Variants in WNT2 observed in about 807,000 individuals in gnomAD.
WNT2 encodes protein Wnt-2.
WNT2 carries 12 observed loss-of-function variants against 36.9 expected under a neutral mutation model. The observed-to-expected ratio is 0.33, with a 90% confidence interval of 0.21 to 0.53. The LOEUF (loss-of-function observed/expected upper bound fraction) is 0.53, where lower values mean the gene tolerates loss of function less well. WNT2 is among the 20% of genes least tolerant of loss of function. WNT2 has a pLI of 0.95. For synonymous variants in WNT2, 163 were observed against 174.6 expected, an observed-to-expected ratio of 0.93 and a Z score of 0.52; for missense variants, 379 against 473.1, an observed-to-expected ratio of 0.80 and a Z score of 1.84.
chr7:117,281,109 G>A (rs1794476069), intron 4 of WNT2, among the ~76,000 whole-genome samples: 1 of 152,168 alleles, frequency 6.6e-6, no homozygotes, highest in African/African-American at 2.4e-5. Context: ...CAGCAACCTG[G>A]GCAAGATAGA....
In WNT2 at chr7:117,276,944, A is replaced by G. The variant is rs940969660; in HGVS notation, c.*1211T>C. On this transcript the variant is annotated 3_prime_UTR_variant, in exon 5 of 5. Coordinates refer to ENST00000265441, the MANE Select transcript of WNT2 (RefSeq NM_003391.3). ...GGTTACCAACTTTATAAGCAATGCT[A>G]TGTGTCATTTGCTTTAGGCTACAGT... The G allele has an allele frequency of 1.3e-5, 2 of 152,256 alleles. No homozygotes were observed. Among genetic ancestry groups the G allele is most frequent in the Admixed American group, 6.5e-5 (1 of 15,280 alleles). The allele number at this position is 152,256 out of a possible 1,614,324, so 9.4% of individuals were successfully genotyped here.
intron 3 of WNT2, among the ~76,000 whole-genome samples, chr7:117,301,802 CTTTTT>C (rs1181700612): frequency 1.4e-4 from 16 of 112,518 alleles, no homozygotes; most frequent in Non-Finnish European, 2.4e-4. Flanking sequence ...TCCCTCCATT[CTTTTT>C]TTTTTTTTTT....
At chr7:117,297,318 A>T (rs1563201633) in intron 4 of WNT2, among the ~76,000 whole-genome samples, 1 of 152,012 alleles carries the variant, frequency 6.6e-6, no homozygotes, top group Non-Finnish European at 1.5e-5. Flanking sequence ...TAGCTGGACC[A>T]CAGATGCGCA....
intron 2 of WNT2, among the ~76,000 whole-genome samples, chr7:117,317,092 G>A (rs1045137590): frequency 2.0e-5 from 3 of 152,190 alleles, no homozygotes; most frequent in Non-Finnish European, 4.4e-5. Context: ...AGATCACATA[G>A]AGGAGGAAAT....
At chr7:117,321,411 C>A (rs527469955) in intron 1 of WNT2, among the ~76,000 whole-genome samples, 3 of 152,204 alleles carry the variant, frequency 2.0e-5, no homozygotes, top group South Asian at 4.1e-4. Flanking sequence ...GGAAAAAATT[C>A]TTTCTATTGT....
At chr7:117,318,709 G>A (rs749968616) in intron 2 of WNT2, among the ~76,000 whole-genome samples, 6 of 152,070 alleles carry the variant, frequency 3.9e-5, no homozygotes, top group African/African-American at 7.2e-5. Flanking sequence ...ATGGGGTTTC[G>A]CCATGTTGGC....
chr7:117,279,931 C>T lies in WNT2; in HGVS notation c.854-1547G>A, dbSNP rs145886602. Reference sequence around the variant, plus strand: ...CCTTTTGATATCTCTGACGATGCCTCGTGACTGTCTCTCTGTTTATCACAG... The same window carrying T: ...CCTTTTGATATCTCTGACGATGCCTTGTGACTGTCTCTCTGTTTATCACAG... On this transcript the variant is annotated intron_variant, in intron 4 of 4. Coordinates refer to ENST00000265441, the MANE Select transcript of WNT2 (RefSeq NM_003391.3). 3.8e-3 allele frequency among the ~76,000 whole-genome samples: 577 copies of T among 152,228 alleles called. 1 individual carries two copies. The highest frequency in any genetic ancestry group is 7.2e-3 in the Non-Finnish European group (489 of 68,024).
Position 117,276,286 on chromosome 7 carries a change from G to A in WNT2, c.*1869C>T, listed in dbSNP as rs1292111608. The stretch of plus-strand genomic sequence containing the variant: ...GGGCTGATGGCTGTGGGACCCCCAT[G>A]AAAGTGCCTTCGCACTCTCATGAAG... On this transcript the variant is annotated 3_prime_UTR_variant, in exon 5 of 5. Transcript: ENST00000265441. Among the ~76,000 whole-genome samples the A allele has an allele frequency of 6.6e-6, 1 of 152,234 alleles. No homozygotes were observed. Among genetic ancestry groups the A allele is most frequent in the Non-Finnish European group, 1.5e-5 (1 of 68,048 alleles).
In WNT2 at chr7:117,284,422, T is replaced by C. The variant is rs1794548209; in HGVS notation, c.854-6038A>G. ...TTTTACCAACTGCCTATTTGTTTAG[T>C]TCTAAATCTTTGGGACACATACTTT... On this transcript the variant is annotated intron_variant, in intron 4 of 4. Transcript: ENST00000265441. The surrounding 1 kb of genome is among the most constrained non-coding windows in gnomAD (Gnocchi z 5.2). Among the ~76,000 whole-genome samples, 1 of 152,216 alleles carries C rather than the reference T, an allele frequency of 6.6e-6. No homozygotes were observed. The highest frequency in any genetic ancestry group is 2.4e-5 in the African/African-American group (1 of 41,454).
In WNT2 at chr7:117,277,516, G is replaced by T; in HGVS notation, c.*639C>A. 1 of 153,860 alleles carries T rather than the reference G, an allele frequency of 6.5e-6. No homozygotes were observed. Among genetic ancestry groups the T allele is most frequent in the South Asian group, 2.1e-4 (1 of 4,870 alleles). The allele number at this position is 153,860 out of a possible 1,614,324, so 9.5% of individuals were successfully genotyped here. A position where few individuals can be genotyped will look rare whatever the true frequency, so the allele number is the denominator to read the frequency against. ...ACCAAAGGACACACGTCCCCACCTT[G>T]TTACATCAGATTTTAATATGGCAAT... On this transcript the variant is annotated 3_prime_UTR_variant, in exon 5 of 5. Transcript: ENST00000265441.
chr7:117,295,661 G>A (rs1794775756), intron 4 of WNT2, among the ~76,000 whole-genome samples: 1 of 152,160 alleles, frequency 6.6e-6, no homozygotes, highest in African/African-American at 2.4e-5. Context: ...TTGAAATAAG[G>A]TTTTTGCTCC....
At position 117,290,075 on chromosome 7, in the gene WNT2, G is replaced by T. The variant is rs116490563; in HGVS notation, c.853+7537C>A. Among the ~76,000 whole-genome samples the T allele has an allele frequency of 3.5e-3, 530 of 152,292 alleles. 4 individuals are homozygous for T. Among genetic ancestry groups the T allele is most frequent in the African/African-American group, 0.012 (487 of 41,556 alleles). On this transcript the variant is annotated intron_variant, in intron 4 of 4. Transcript: ENST00000265441. Reference sequence around the variant, plus strand: ...AGGAGTCCAGTTTTAAGCAGAAGCAGGTTGATATAATTGTATGAAATCTGG... The same window carrying T: ...AGGAGTCCAGTTTTAAGCAGAAGCATGTTGATATAATTGTATGAAATCTGG...
intron 3 of WNT2, among the ~76,000 whole-genome samples, chr7:117,299,581 C>G (rs40376): frequency 0.012 from 1,748 of 151,058 alleles, 18 homozygotes; most frequent in South Asian, 0.025. Context: ...CGGCCTTGAA[C>G]TCCTGGGCTC....
In WNT2 at chr7:117,278,081, C is replaced by G; in HGVS notation, c.*74G>C. 6.6e-7 allele frequency: 1 copy of G among 1,514,096 alleles called. No homozygotes were observed. Among genetic ancestry groups the G allele is most frequent in the Non-Finnish European group, 9.1e-7 (1 of 1,098,386 alleles). 93.8% of individuals were successfully genotyped at this position (1,514,096 alleles called of 1,614,324 possible). On this transcript the variant is annotated 3_prime_UTR_variant, in exon 5 of 5. Coordinates refer to ENST00000265441, the MANE Select transcript of WNT2 (RefSeq NM_003391.3). ...TAGGAAATATCCCCCCAGAAAGAAC[C>G]CAAAGGTCCAGTGTTCTTGCAGATC...
At chr7:117,298,005 T>C in intron 3 of WNT2, 129 bp from the exon 4 acceptor site, 1 of 1,282,486 alleles carries the variant, frequency 7.8e-7, no homozygotes, top group Non-Finnish European at 1.1e-6. Context: ...GACTGGGAAA[T>C]GTTGAAGCAT....
At chr7:117,286,572 C>T (rs1172288579) in intron 4 of WNT2, among the ~76,000 whole-genome samples, 1 of 152,122 alleles carries the variant, frequency 6.6e-6, no homozygotes, top group African/African-American at 2.4e-5. Flanking sequence ...ACTATTAGGG[C>T]ATAAACCAAG....
intron 3 of WNT2, among the ~76,000 whole-genome samples, chr7:117,300,265 C>G (rs1384845463): frequency 6.6e-6 from 1 of 152,300 alleles, no homozygotes; most frequent in South Asian, 2.1e-4. Context: ...CAGCTCACTG[C>G]AACCTATGCC....
intron 3 of WNT2, among the ~76,000 whole-genome samples, chr7:117,312,148 T>TTTTG (rs760888080): frequency 7.9e-5 from 12 of 152,114 alleles, no homozygotes; most frequent in Non-Finnish European, 1.3e-4. Flanking sequence ...GAACTAACTT[T>TTTTG]TTTGTTTGTT....
chr7:117,317,073 T>C (rs1481139804), intron 2 of WNT2, among the ~76,000 whole-genome samples: 4 of 152,210 alleles, frequency 2.6e-5, no homozygotes, highest in Non-Finnish European at 5.9e-5. Flanking sequence ...CCGGCGCCCA[T>C]GTTTAGAGAG....
Sources: gnomAD v4.1 joint callset for allele counts (sites outside exome capture counted in the v4.1 genomes callset) on GRCh38, gnomAD v4.1.1 for gene constraint, Gnocchi (gnomAD v3.1) non-coding constraint, MANE v1.5 for transcripts, NCBI Gene and HGNC (gene_info 2026-07-23, HGNC 2026-07-21) for gene names.